The following GGNBP2 variants were observed in gnomAD, a reference collection of about 807,000 sequenced individuals.
The protein encoded by GGNBP2 is gametogenetin binding protein 2, also known as gametogenetin-binding protein 2.
Under a neutral mutation model 85.9 loss-of-function variants are expected in GGNBP2, and 10 were observed. The ratio of observed to expected loss-of-function variants is 0.12; its 90% CI spans 0.07 to 0.20. The LOEUF (loss-of-function observed/expected upper bound fraction) is 0.20, where lower values mean the gene tolerates loss of function less well. Among genes scored for constraint, GGNBP2 ranks in the 10% least tolerant of loss-of-function variants. The probability of loss-of-function intolerance (pLI) is 1.00; values close to 1 mark genes in which losing one functional copy is unlikely to be tolerated. For missense variants in GGNBP2, 595 were observed against 857.8 expected (o/e 0.69, Z 3.83); for synonymous variants, 287 against 285.7 (o/e 1.00, Z -0.05).
At chr17:36,552,631 A>C (rs536357339) in intron 2 of GGNBP2, among the ~76,000 whole-genome samples, 2 of 152,358 alleles carry the variant, frequency 1.3e-5, no homozygotes, top group East Asian at 3.9e-4. Context: ...AAAACTAGAA[A>C]CAAGATGTCA....
rs183172643 is a variant in GGNBP2 at position 36,589,425 on chromosome 17, C to T, written c.*14C>T. On this transcript the variant is annotated 3_prime_UTR_variant, in exon 14 of 14. Coordinates refer to ENST00000613102, the MANE Select transcript of GGNBP2 (RefSeq NM_024835.5). ...GGAGCAAATTAAATAAATAAAATAG[C>T]TCTGTCTTTCAATGAAACACTCACG... is the stretch of plus-strand genomic sequence containing the variant. 204 of 1,591,178 alleles carry T rather than the reference C, an allele frequency of 1.3e-4. 3 individuals are homozygous for T. In the East Asian group the frequency reaches 4.5e-3, roughly 35 times the overall value.
intron 2 of GGNBP2, among the ~76,000 whole-genome samples, chr17:36,550,613 A>G (rs943453442): frequency 2.0e-5 from 3 of 152,228 alleles, no homozygotes; most frequent in African/African-American, 7.2e-5. Context: ...ATGCGCTAAA[A>G]ACAGGTTTTT....
chr17:36,545,713 G>A lies in GGNBP2; in HGVS notation c.-12G>A. On this transcript the variant is annotated 5_prime_UTR_variant, in exon 2 of 14. Transcript: ENST00000613102. ...GGAGGTGGTGACGGTGGCAACGGCA[G>A]CGTCGGGGACGATGGCGCGACTCGT... 1 of 1,560,742 alleles carries A rather than the reference G, an allele frequency of 6.4e-7. No individual in the cohort carries two copies. The highest frequency in any genetic ancestry group is 1.2e-5 in the South Asian group (1 of 84,978).
chr17:36,573,260 A>G (rs1217788052), intron 6 of GGNBP2, among the ~76,000 whole-genome samples: 2 of 151,968 alleles, frequency 1.3e-5, no homozygotes, highest in Non-Finnish European at 2.9e-5. Context: ...TTACAGGCAC[A>G]CACCACCACA....
intron 6 of GGNBP2, chr17:36,575,273 T>C: frequency 3.5e-6 from 2 of 572,484 alleles, no homozygotes; most frequent in Non-Finnish European, 6.4e-6. Context: ...GCCACTGCAT[T>C]TCCCCATCCC....
chr17:36,548,687 TA>T (rs1213624820), intron 2 of GGNBP2, among the ~76,000 whole-genome samples: 2 of 140,384 alleles, frequency 1.4e-5, no homozygotes, highest in Non-Finnish European at 3.0e-5. Context: ...CTCATGCCTG[TA>T]ATCCTAGCAC....
At chr17:36,549,938 T>C (rs1567816252) in intron 2 of GGNBP2, among the ~76,000 whole-genome samples, 1 of 152,002 alleles carries the variant, frequency 6.6e-6, no homozygotes, top group Non-Finnish European at 1.5e-5. Context: ...TGCTATGATA[T>C]TTCTTTTTTT....
intron 8 of GGNBP2, among the ~76,000 whole-genome samples, chr17:36,580,289 G>A (rs71377891): frequency 6.7e-6 from 1 of 149,220 alleles, no homozygotes; most frequent in South Asian, 2.2e-4. Context: ...CTCACTGCAA[G>A]CTCCACCTCC....
At chr17:36,548,311 T>A (rs1191160841) in intron 2 of GGNBP2, among the ~76,000 whole-genome samples, 1 of 152,028 alleles carries the variant, frequency 6.6e-6, no homozygotes, top group African/African-American at 2.4e-5. Flanking sequence ...TTAACAAACT[T>A]GTATGTAAAG....
intron 6 of GGNBP2, among the ~76,000 whole-genome samples, chr17:36,572,830 A>G (rs1599532250): frequency 1.3e-5 from 2 of 152,054 alleles, no homozygotes; most frequent in Non-Finnish European, 2.9e-5. Context: ...GCATTGAACA[A>G]CACCTTTTTT....
At chr17:36,553,703 T>G (rs1471321658) in intron 2 of GGNBP2, among the ~76,000 whole-genome samples, 1 of 152,216 alleles carries the variant, frequency 6.6e-6, no homozygotes, top group African/African-American at 2.4e-5. Context: ...TAACAATGTT[T>G]TAGTTAAGAT....
rs141356937 is a variant in GGNBP2 at position 36,574,553 on chromosome 17, T to A, written c.642-3430T>A. 2.5e-5 allele frequency: 11 copies of A among 446,776 alleles called. No individual in the cohort carries two copies. In the East Asian group the frequency reaches 3.9e-4, roughly 16 times the overall value. The allele number at this position is 446,776 out of a possible 1,614,324, so 27.7% of individuals were successfully genotyped here. A position where few individuals can be genotyped will look rare whatever the true frequency, so the allele number is the denominator to read the frequency against. On this transcript the variant is annotated intron_variant, in intron 6 of 13. Transcript: ENST00000613102. Reference sequence around the variant, plus strand: ...GTCAGTGAATTCCTGACAGGAAGACTTGATGAATACAGTCTCCTTCCAGAG... The same window carrying A: ...GTCAGTGAATTCCTGACAGGAAGACATGATGAATACAGTCTCCTTCCAGAG...
At chr17:36,554,739 G>T (rs569361114) in intron 2 of GGNBP2, 81 bp from the exon 3 acceptor site, 14 of 941,328 alleles carry the variant, frequency 1.5e-5, no homozygotes, top group Admixed American at 1.2e-4. Context: ...GGCTTTCACG[G>T]GTCTATTTCT....
chr17:36,546,112 T>C, intron 2 of GGNBP2: 1 of 435,926 alleles, frequency 2.3e-6, no homozygotes, highest in Non-Finnish European at 4.1e-6. Context: ...AAAGCACACA[T>C]CTCAGAGAGG....
intron 6 of GGNBP2, among the ~76,000 whole-genome samples, chr17:36,569,380 C>T (rs1555606393): frequency 6.6e-6 from 1 of 152,170 alleles, no homozygotes; most frequent in East Asian, 1.9e-4. Flanking sequence ...CCACTGCACT[C>T]CAACGGAGCA....
chr17:36,552,274 G>A (rs922368698), intron 2 of GGNBP2, among the ~76,000 whole-genome samples: 11 of 152,118 alleles, frequency 7.2e-5, no homozygotes, highest in Admixed American at 2.0e-4. Flanking sequence ...CAGAAAATAT[G>A]AGTTAATTGA....
intron 2 of GGNBP2, among the ~76,000 whole-genome samples, chr17:36,548,667 G>A (rs529042803): frequency 1.4e-4 from 19 of 132,630 alleles, no homozygotes; most frequent in Non-Finnish European, 2.4e-4. Context: ...CCTTAGGCCC[G>A]GTGCTGTGGC....
rs1211691640 is a variant in GGNBP2 at position 36,586,178 on chromosome 17, A to G, written c.1621A>G (p.Ile541Val). Residue 541 changes from isoleucine (I) to valine (V), a missense_variant, in exon 12 of 14, where the codon ATA becomes GTA. Physicochemically the swap from Ile to Val is conservative, Grantham distance 29. Coordinates refer to ENST00000613102, the MANE Select transcript of GGNBP2 (RefSeq NM_024835.5). ...TAAAAAGAAGAAGAAGAAAAGCAAG[A>G]TACTGAAATGTGATGAACATGTAAG... is the stretch of plus-strand genomic sequence containing the variant. Reference protein sequence around the residue: ...KNKKKKKKSKILKCDEHIQKL... With the variant: ...KNKKKKKKSKVLKCDEHIQKL... 1 of 1,612,864 alleles carries G rather than the reference A, an allele frequency of 6.2e-7. No individual in the cohort carries two copies. The highest frequency in any genetic ancestry group is 1.7e-5 in the Admixed American group (1 of 59,936).
intron 6 of GGNBP2, among the ~76,000 whole-genome samples, chr17:36,572,044 C>CTT (rs571353995): frequency 6.6e-6 from 1 of 151,200 alleles, no homozygotes; most frequent in African/African-American, 2.4e-5. Flanking sequence ...GAGTGAGACT[C>CTT]TGTCTCGAAA....
Sources: gnomAD v4.1 joint callset for allele counts (sites outside exome capture counted in the v4.1 genomes callset) on GRCh38, gnomAD v4.1.1 for gene constraint, MANE v1.5 for transcripts, NCBI Gene and HGNC (gene_info 2026-07-23, HGNC 2026-07-21) for gene names.